The following ORC4 variants were observed in gnomAD, a reference collection of about 807,000 sequenced individuals.
ORC4 encodes the protein origin recognition complex, subunit 4 homolog.
ORC4 carries 55 observed loss-of-function variants against 63.9 expected under a neutral mutation model. The ratio of observed to expected loss-of-function variants is 0.86; its 90% CI spans 0.69 to 1.08. The LOEUF is 1.08. Ranked by LOEUF, ORC4 falls within the 50% of genes least tolerant of loss-of-function variation. ORC4 has a pLI of 0.00. For synonymous variants in ORC4, 150 were observed against 168.5 expected, an observed-to-expected ratio of 0.89 and a Z score of 0.85; for missense variants, 511 against 504.4, an observed-to-expected ratio of 1.01 and a Z score of -0.13.
intron 7 of ORC4, among the ~76,000 whole-genome samples, chr2:147,952,853 C>G (rs1246860127): frequency 6.6e-6 from 1 of 151,390 alleles, no homozygotes; most frequent in African/African-American, 2.4e-5. Flanking sequence ...ATGGAGAAAT[C>G]CCATCTCTAC....
At chr2:147,946,851 G>C (rs1688685858) in intron 9 of ORC4, among the ~76,000 whole-genome samples, 1 of 151,928 alleles carries the variant, frequency 6.6e-6, no homozygotes, top group Admixed American at 6.6e-5. Context: ...TGTAGACCAA[G>C]TAATTATTCC....
At chr2:148,008,329 T>C (rs1692747020) in intron 1 of ORC4, among the ~76,000 whole-genome samples, 1 of 152,204 alleles carries the variant, frequency 6.6e-6, no homozygotes, top group South Asian at 2.1e-4. Context: ...TTCTAAACTC[T>C]ACCTTATCTA....
intron 13 of ORC4, chr2:147,936,512 C>T (rs1428444338): frequency 1.3e-5 from 2 of 151,958 alleles, no homozygotes; most frequent in East Asian, 3.9e-4. Flanking sequence ...TCTTACAACT[C>T]ACTGTAAAAA....
intron 1 of ORC4, among the ~76,000 whole-genome samples, chr2:148,009,042 T>G (rs1483383236): frequency 1.3e-5 from 2 of 152,162 alleles, no homozygotes; most frequent in East Asian, 3.9e-4. Context: ...AGGTTTTTAG[T>G]TTTTTCTGTG....
chr2:148,002,700 A>C (rs1286073651), intron 1 of ORC4, among the ~76,000 whole-genome samples: 1 of 151,990 alleles, frequency 6.6e-6, no homozygotes, highest in Non-Finnish European at 1.5e-5. Flanking sequence ...ACAATTAAAA[A>C]AACTAGAGAA....
intron 1 of ORC4, among the ~76,000 whole-genome samples, chr2:148,016,429 G>A (rs1014463780): frequency 2.0e-5 from 3 of 152,186 alleles, no homozygotes; most frequent in Admixed American, 2.0e-4. Flanking sequence ...AAACTGTGAT[G>A]CCTGCAGCCA....
intron 1 of ORC4, among the ~76,000 whole-genome samples, chr2:147,977,548 TG>T (rs1414734939): frequency 6.6e-6 from 1 of 152,096 alleles, no homozygotes; most frequent in Non-Finnish European, 1.5e-5. Context: ...GAAACCCCAG[TG>T]GGGCCCAAGA....
At chr2:147,963,945 T>C (rs545120893) in intron 4 of ORC4, among the ~76,000 whole-genome samples, 14 of 152,180 alleles carry the variant, frequency 9.2e-5, no homozygotes, top group East Asian at 7.7e-4. Flanking sequence ...TCGAGACACA[T>C]TGACACAAAT....
upstream of ORC4, chr2:148,021,066 T>A (rs1211881688): frequency 6.5e-6 from 1 of 153,480 alleles, no homozygotes; most frequent in Non-Finnish European, 1.5e-5. Context: ...TCCCGTCTCT[T>A]CTACCCGAAC....
intron 2 of ORC4, among the ~76,000 whole-genome samples, chr2:147,974,308 C>G (rs1290115168): frequency 1.3e-5 from 2 of 151,988 alleles, no homozygotes; most frequent in African/African-American, 2.4e-5. Context: ...AAAATAGGGA[C>G]AATAACATCT....
chr2:148,008,479 T>C (rs1692754944), intron 1 of ORC4, among the ~76,000 whole-genome samples: 1 of 152,236 alleles, frequency 6.6e-6, no homozygotes, highest in Non-Finnish European at 1.5e-5. Flanking sequence ...AAAGAATTAG[T>C]GTGTCAGTAT....
chr2:148,013,793 A>G (rs1344222177), intron 1 of ORC4, among the ~76,000 whole-genome samples: 1 of 152,242 alleles, frequency 6.6e-6, no homozygotes, highest in African/African-American at 2.4e-5. Context: ...AAATCTCAGA[A>G]GTAAAAAAGA....
intron 1 of ORC4, among the ~76,000 whole-genome samples, chr2:147,987,028 C>T (rs960058834): frequency 1.3e-5 from 2 of 151,826 alleles, no homozygotes; most frequent in Admixed American, 6.6e-5. Context: ...AAAAAAGGAA[C>T]TTAAAACTAT....
intron 1 of ORC4, among the ~76,000 whole-genome samples, chr2:148,011,506 A>G (rs1692967135): frequency 6.6e-6 from 1 of 152,240 alleles, no homozygotes; most frequent in Non-Finnish European, 1.5e-5. Flanking sequence ...ACAAACCCAC[A>G]GTTAGTATCA....
Position 147,992,585 on chromosome 2 carries a change from C to T in ORC4, c.-17-16610G>A, listed in dbSNP as rs1488711523. ...CTGTACTTTCTTGCAATATCAATTA[C>T]TTCAGGGTATATGTTCATTTGAGAA... On this transcript the variant is annotated intron_variant, in intron 1 of 13. Transcript: ENST00000392857. 5.3e-5 allele frequency among the ~76,000 whole-genome samples: 8 copies of T among 152,148 alleles called. No homozygotes were observed. In the South Asian group the frequency reaches 6.2e-4, roughly 12 times the overall value.
At chr2:148,011,009 T>G (rs539214401) in intron 1 of ORC4, among the ~76,000 whole-genome samples, 1 of 151,794 alleles carries the variant, frequency 6.6e-6, no homozygotes, top group Non-Finnish European at 1.5e-5. Context: ...TTGTATTTTT[T>G]GTAGAGATGG....
At chr2:147,971,064 G>C (rs1274796132) in intron 4 of ORC4, among the ~76,000 whole-genome samples, 1 of 152,110 alleles carries the variant, frequency 6.6e-6, no homozygotes, top group Non-Finnish European at 1.5e-5. Flanking sequence ...TTGAGCACAA[G>C]AGGCCAAGGC....
intron 1 of ORC4, among the ~76,000 whole-genome samples, chr2:147,983,581 A>G (rs1438897796): frequency 1.3e-5 from 2 of 152,174 alleles, no homozygotes; most frequent in African/African-American, 4.8e-5. Context: ...ACTCTATGGA[A>G]ACGAATGTCA....
At chr2:147,968,417 T>C (rs367928555) in intron 4 of ORC4, among the ~76,000 whole-genome samples, 1 of 152,016 alleles carries the variant, frequency 6.6e-6, no homozygotes, top group Admixed American at 6.6e-5. Flanking sequence ...ATATCCAGAT[T>C]ACACAAGGAA....
Sources: allele counts gnomAD v4.1 joint callset (sites outside exome capture counted in the v4.1 genomes callset), GRCh38; gene constraint gnomAD v4.1.1; transcripts MANE v1.5; gene names NCBI Gene and HGNC (gene_info 2026-07-23, HGNC 2026-07-21).